Variants in PPP1R9A observed in about 807,000 individuals in gnomAD.
PPP1R9A encodes protein phosphatase 1 regulatory subunit 9A, also known as neurabin-1.
PPP1R9A carries 59 observed loss-of-function variants against 141.9 expected under a neutral mutation model. The observed-to-expected ratio is 0.42, with a 90% CI of 0.34 to 0.52. PPP1R9A has a LOEUF of 0.52. PPP1R9A is among the 20% of genes least tolerant of loss of function. The pLI, the probability that PPP1R9A is intolerant of heterozygous loss-of-function variation, is 0.10. For missense variants in PPP1R9A, 1,444 were observed against 1,611.9 expected, an observed-to-expected ratio of 0.90 and a Z score of 1.78; for synonymous variants, 500 against 569.7, an observed-to-expected ratio of 0.88 and a Z score of 1.74.
chr7:95,103,281 G>A (rs987804353), intron 2 of PPP1R9A, among the ~76,000 whole-genome samples: 6 of 150,200 alleles, frequency 4.0e-5, no homozygotes, highest in African/African-American at 9.8e-5. Flanking sequence ...CTTGACAAAC[G>A]TAGGCTTCCT....
intron 4 of PPP1R9A, among the ~76,000 whole-genome samples, chr7:95,149,376 A>T (rs1195579517): frequency 6.6e-6 from 1 of 152,196 alleles, no homozygotes; most frequent in Non-Finnish European, 1.5e-5. Flanking sequence ...TTTCTAGCTA[A>T]TGCAGTAGGA....
At chr7:95,072,313 T>TATATAATATATATTATATATAATA (rs1363519821) in intron 2 of PPP1R9A, among the ~76,000 whole-genome samples, 2 of 144,810 alleles carry the variant, frequency 1.4e-5, no homozygotes, top group Admixed American at 1.4e-4. Flanking sequence ...AATATTGTAT[T>TATATAATATATATTATATATAATA]ATATAATATA....
intron 2 of PPP1R9A, among the ~76,000 whole-genome samples, chr7:95,080,968 A>C (rs1227216986): frequency 6.6e-6 from 1 of 152,222 alleles, no homozygotes; most frequent in East Asian, 1.9e-4. Context: ...AAACATTATC[A>C]GGCAGGTCAA....
intron 8 of PPP1R9A, among the ~76,000 whole-genome samples, chr7:95,233,174 G>T (rs146069229): frequency 6.6e-6 from 1 of 152,258 alleles, no homozygotes; most frequent in African/African-American, 2.4e-5. Context: ...ATACACCATG[G>T]AATACTATGC....
intron 2 of PPP1R9A, among the ~76,000 whole-genome samples, chr7:94,925,479 A>G (rs1442101955): frequency 1.3e-5 from 2 of 151,842 alleles, no homozygotes; most frequent in Non-Finnish European, 2.9e-5. Flanking sequence ...TTCCCCCCAC[A>G]TGTCTTAGTG....
intron 6 of PPP1R9A, among the ~76,000 whole-genome samples, chr7:95,200,707 T>C (rs1789375390): frequency 6.6e-6 from 1 of 152,230 alleles, no homozygotes. Context: ...TTTGCCTGTT[T>C]TTGTAAAGTA....
At chr7:95,014,400 A>G (rs1804823496) in intron 2 of PPP1R9A, among the ~76,000 whole-genome samples, 1 of 151,970 alleles carries the variant, frequency 6.6e-6, no homozygotes, top group Admixed American at 6.6e-5. Context: ...CTCTTTCCTC[A>G]TGATTAGCTT....
chr7:95,253,275 T>C (rs779542540), intron 12 of PPP1R9A, among the ~76,000 whole-genome samples: 2 of 152,192 alleles, frequency 1.3e-5, no homozygotes, highest in Admixed American at 6.5e-5. Flanking sequence ...AACCCTGTTA[T>C]AATGGGCTTT....
At chr7:95,069,982 C>T (rs1412559874) in intron 2 of PPP1R9A, among the ~76,000 whole-genome samples, 1 of 152,170 alleles carries the variant, frequency 6.6e-6, no homozygotes, top group Non-Finnish European at 1.5e-5. Context: ...TTTGAGCCTA[C>T]AACCATAAAA....
At chr7:95,182,950 A>G (rs565396243) in intron 5 of PPP1R9A, among the ~76,000 whole-genome samples, 1 of 152,282 alleles carries the variant, frequency 6.6e-6, no homozygotes, top group East Asian at 1.9e-4. Flanking sequence ...TAATATTTAA[A>G]CCTAAGACAT....
At chr7:95,231,983 A>C (rs1796023431) in intron 8 of PPP1R9A, among the ~76,000 whole-genome samples, 1 of 152,188 alleles carries the variant, frequency 6.6e-6, no homozygotes, top group African/African-American at 2.4e-5. Flanking sequence ...TAAAATTGAT[A>C]GATCTCTAGC....
chr7:95,236,697 A>AG (rs895553104), intron 8 of PPP1R9A, among the ~76,000 whole-genome samples: 2 of 151,270 alleles, frequency 1.3e-5, no homozygotes, highest in African/African-American at 4.8e-5. Flanking sequence ...GATTAAAAAA[A>AG]GAAAAAAAAC....
Position 95,120,930 on chromosome 7 carries a change from T to C in PPP1R9A, c.1649+98T>C, listed in dbSNP as rs575009272. 4.9e-6 allele frequency: 7 copies of C among 1,441,288 alleles called. No homozygotes were observed. In the Admixed American group the frequency reaches 9.0e-5, roughly 18 times the overall value. 89.3% of individuals were successfully genotyped at this position (1,441,288 alleles called of 1,614,324 possible). A position where few individuals can be genotyped will look rare whatever the true frequency, so the allele number is the denominator to read the frequency against. Reference sequence around the variant, plus strand: ...TTTTTGCTTTTGTTTGTTGATTTTTTAGGATAGAATTTCAGGTTTCTCAGA... The same window carrying C: ...TTTTTGCTTTTGTTTGTTGATTTTTCAGGATAGAATTTCAGGTTTCTCAGA... On this transcript the variant is annotated intron_variant, in intron 4 of 19. Coordinates refer to ENST00000433360, the MANE Select transcript of PPP1R9A (RefSeq NM_001166160.2).
intron 2 of PPP1R9A, among the ~76,000 whole-genome samples, chr7:94,979,529 T>C (rs1563074949): frequency 6.6e-6 from 1 of 152,220 alleles, no homozygotes. Context: ...TTAGGTTATT[T>C]CTAGATAGTG....
At chr7:95,006,807 G>A (rs1011353372) in intron 2 of PPP1R9A, among the ~76,000 whole-genome samples, 4 of 151,860 alleles carry the variant, frequency 2.6e-5, no homozygotes, top group African/African-American at 7.3e-5. Context: ...CAATTCAGTT[G>A]TCTTACCATT....
chr7:95,227,243 A>G (rs1795265091), intron 8 of PPP1R9A, among the ~76,000 whole-genome samples: 1 of 152,316 alleles, frequency 6.6e-6, no homozygotes, highest in East Asian at 1.9e-4. Context: ...AGGCAGTGAG[A>G]TCAAAATAGT....
intron 5 of PPP1R9A, among the ~76,000 whole-genome samples, chr7:95,163,508 C>G (rs1425581563): frequency 6.6e-6 from 1 of 152,162 alleles, no homozygotes; most frequent in East Asian, 1.9e-4. Flanking sequence ...TTTCCGATTT[C>G]AGATTGTTTT....
At chr7:95,220,031 C>T (rs1794178723) in intron 7 of PPP1R9A, among the ~76,000 whole-genome samples, 1 of 152,124 alleles carries the variant, frequency 6.6e-6, no homozygotes, top group East Asian at 1.9e-4. Flanking sequence ...ATTCTCATAG[C>T]AACCTCTTTA....
intron 2 of PPP1R9A, among the ~76,000 whole-genome samples, chr7:94,934,684 C>T (rs577544073): frequency 2.6e-5 from 4 of 151,868 alleles, no homozygotes; most frequent in Non-Finnish European, 5.9e-5. Context: ...AAAATATATA[C>T]ATGTTTCTGG....
Sources: allele counts gnomAD v4.1 joint callset (sites outside exome capture counted in the v4.1 genomes callset), GRCh38; gene constraint gnomAD v4.1.1; transcripts MANE v1.5; gene names NCBI Gene and HGNC (gene_info 2026-07-23, HGNC 2026-07-21).